The following MSL2 variants were observed in gnomAD, a reference collection of about 807,000 sequenced individuals.
MSL2 encodes MSL complex subunit 2, also known as E3 ubiquitin-protein ligase MSL2.
A neutral mutation model predicts 35.8 loss-of-function variants in MSL2; 2 were observed. The observed-to-expected ratio is 0.06, with a 90% CI of 0.02 to 0.18. The LOEUF (loss-of-function observed/expected upper bound fraction) is 0.18, where lower values mean the gene tolerates loss of function less well. Ranked by LOEUF, MSL2 falls within the 10% of genes least tolerant of loss-of-function variation. The probability of loss-of-function intolerance (pLI) is 1.00; values close to 1 mark genes in which losing one functional copy is unlikely to be tolerated. For missense variants in MSL2, 523 were observed against 706.7 expected (o/e 0.74, Z 2.95); for synonymous variants, 296 against 255.7 (o/e 1.16, Z -1.50).
Position 136,151,754 on chromosome 3 carries a change from C to T in MSL2, c.1127G>A (p.Arg376Gln), listed in dbSNP as rs781724231. Residue 376 changes from arginine (R) to glutamine (Q), a missense_variant, in exon 2 of 2, where the codon CGG becomes CAG. By Grantham distance (43) the Arg-to-Gln change is conservative. Transcript: ENST00000309993. The surrounding 1 kb of genome is among the most constrained non-coding windows in gnomAD (Gnocchi z 5.2). ...LGASAPVTVKRESKISLQPIA... is the reference protein window; with the variant it reads ...LGASAPVTVKQESKISLQPIA... ...AGGTTGAAGAGAAATTTTGCTCTCC[C>T]GTTTCACTGTCACAGGAGCAGATGC... is the stretch of plus-strand genomic sequence containing the variant. The T allele has an allele frequency of 2.5e-6, 4 of 1,614,154 alleles. No homozygotes were observed. The highest frequency in any genetic ancestry group is 1.1e-5 in the South Asian group (1 of 91,080).
intron 1 of MSL2, among the ~76,000 whole-genome samples, chr3:136,158,528 C>T (rs148832094): frequency 3.9e-5 from 6 of 152,056 alleles, no homozygotes; most frequent in African/African-American, 9.7e-5. Flanking sequence ...TAAAACACAA[C>T]GCTTTCCTTC....
intron 1 of MSL2, among the ~76,000 whole-genome samples, chr3:136,181,949 TAAATA>T (rs1940378355): frequency 6.8e-6 from 1 of 147,726 alleles, no homozygotes; most frequent in Non-Finnish European, 1.5e-5. Flanking sequence ...AATAAATAAA[TAAATA>T]AATAATCAAA....
At chr3:136,158,226 C>T (rs532937062) in intron 1 of MSL2, among the ~76,000 whole-genome samples, 4 of 151,750 alleles carry the variant, frequency 2.6e-5, no homozygotes, top group Non-Finnish European at 5.9e-5. Context: ...GCAGGAGAAT[C>T]GCTTCAATCC....
chr3:136,149,601 G>T lies in MSL2; in HGVS notation c.*1546C>A, dbSNP rs1011737544. 1 of 23,844 alleles carries T rather than the reference G, an allele frequency of 4.2e-5. No homozygotes were observed. Among genetic ancestry groups the T allele is most frequent in the East Asian group, 1.2e-3 (1 of 818 alleles). The allele number at this position is 23,844 out of a possible 1,614,324, so 1.5% of individuals were successfully genotyped here. On this transcript the variant is annotated 3_prime_UTR_variant, in exon 2 of 2. Coordinates refer to ENST00000309993, the MANE Select transcript of MSL2 (RefSeq NM_018133.4). ...CCAAAAGAGACCAAAAAAAAAAAAA[G>T]AAAAAAAAGCCCAACAACAACAACA...
chr3:136,176,761 C>A (rs1471128948), intron 1 of MSL2, among the ~76,000 whole-genome samples: 1 of 152,118 alleles, frequency 6.6e-6, no homozygotes, highest in Non-Finnish European at 1.5e-5. Context: ...CCCCTTTAGC[C>A]TTCTGCCATG....
Position 136,152,443 on chromosome 3 carries a change from G to C in MSL2, c.438C>G (p.Pro146=). The change falls in exon 2 of 2, where the codon CCC becomes CCG. Residue 146 remains proline, a synonymous_variant. Coordinates refer to ENST00000309993, the MANE Select transcript of MSL2 (RefSeq NM_018133.4). ...AACACAAAGTAAAGGATGAATCTGAGGGTTTTTCTGTCTCCTCACAAAACA... is the reference window on the plus strand; with the variant it reads ...AACACAAAGTAAAGGATGAATCTGACGGTTTTTCTGTCTCCTCACAAAACA... The part of the protein sequence containing the change: ...GSLFCEETEK[P]SDSSFTLCLT... 2 of 1,614,150 alleles carry C rather than the reference G, an allele frequency of 1.2e-6. No individual in the cohort carries two copies. Among genetic ancestry groups the C allele is most frequent in the Middle Eastern group, 1.6e-4 (1 of 6,062 alleles).
At chr3:136,157,429 G>A (rs1939566252) in intron 1 of MSL2, among the ~76,000 whole-genome samples, 1 of 152,248 alleles carries the variant, frequency 6.6e-6, no homozygotes, top group Non-Finnish European at 1.5e-5. Flanking sequence ...CTTGAACCTG[G>A]GAGGAGAGGT....
rs150020507 is a variant in MSL2 at position 136,179,254 on chromosome 3, A to G, written c.142+15718T>C. ...CAGGCTGGAGTGCAGCAGCACCATC[A>G]TGGTTCAAACCAGCCTCAACCTCCT... On this transcript the variant is annotated intron_variant, in intron 1 of 1. Coordinates refer to ENST00000309993, the MANE Select transcript of MSL2 (RefSeq NM_018133.4). Among the ~76,000 whole-genome samples, 1,144 of 152,114 alleles carry G rather than the reference A, an allele frequency of 7.5e-3. 18 individuals carry two copies. Among genetic ancestry groups the G allele is most frequent in the African/African-American group, 0.026 (1,080 of 41,506 alleles).
chr3:136,159,294 G>A (rs1939627357), intron 1 of MSL2, among the ~76,000 whole-genome samples: 1 of 151,032 alleles, frequency 6.6e-6, no homozygotes, highest in African/African-American at 2.4e-5. Context: ...TTACATTTAT[G>A]GTCAACCAAT....
intron 1 of MSL2, chr3:136,194,521 A>G (rs1940780744): frequency 2.3e-6 from 2 of 880,530 alleles, no homozygotes; most frequent in Non-Finnish European, 2.7e-6. Context: ...TGGGTTCATC[A>G]GCTTAGCCCA....
intron 1 of MSL2, among the ~76,000 whole-genome samples, chr3:136,160,337 A>G (rs1408304339): frequency 1.4e-3 from 11 of 8,004 alleles, no homozygotes; most frequent in South Asian, 6.3e-3. Context: ...GAGGGAAGGA[A>G]GGAGGGAGGG....
At chr3:136,159,806 T>TA (rs1425074276) in intron 1 of MSL2, among the ~76,000 whole-genome samples, 1 of 151,934 alleles carries the variant, frequency 6.6e-6, no homozygotes, top group Non-Finnish European at 1.5e-5. Flanking sequence ...AGAGCTAAAA[T>TA]ATAGAAATTC....
intron 1 of MSL2, among the ~76,000 whole-genome samples, chr3:136,156,941 A>G (rs1939547956): frequency 6.6e-6 from 1 of 152,260 alleles, no homozygotes; most frequent in African/African-American, 2.4e-5. Flanking sequence ...GAAAATGTTC[A>G]CAATATATTT....
At chr3:136,185,301 TAA>T (rs10571267) in intron 1 of MSL2, among the ~76,000 whole-genome samples, 33,063 of 106,896 alleles carry the variant, frequency 0.31, 3,868 homozygotes, top group Non-Finnish European at 0.36. Flanking sequence ...TTAACAAAGC[TAA>T]AAAAAAAAAA....
intron 1 of MSL2, among the ~76,000 whole-genome samples, chr3:136,180,481 C>T (rs2108085458): frequency 6.6e-6 from 1 of 151,734 alleles, no homozygotes; most frequent in East Asian, 1.9e-4. Context: ...GTGGGCAGAT[C>T]ACGAGATCAG....
At chr3:136,162,378 T>C (rs1408703493) in intron 1 of MSL2, among the ~76,000 whole-genome samples, 1 of 151,240 alleles carries the variant, frequency 6.6e-6, no homozygotes, top group East Asian at 1.9e-4. Context: ...TCTCAGGAGT[T>C]AGAAACCAGC....
At chr3:136,161,771 G>A (rs1179390395) in intron 1 of MSL2, among the ~76,000 whole-genome samples, 2 of 152,098 alleles carry the variant, frequency 1.3e-5, no homozygotes, top group East Asian at 1.9e-4. Flanking sequence ...AGATAGTGGT[G>A]ATGGTTACAC....
chr3:136,152,469 A>C lies in MSL2; in HGVS notation c.412T>G (p.Leu138Val). The stretch of plus-strand genomic sequence containing the variant: ...GGTTTTTCTGTCTCCTCACAAAACA[A>C]TGATCCATCATTAAGCAAAGCCAAA... The part of the protein sequence containing the change: ...DILALLNDGS[L>V]FCEETEKPSD... The change falls in exon 2 of 2, where the codon TTG becomes GTG. Residue 138 changes from leucine to valine, a missense_variant. Leu to Val is a conservative substitution (Grantham distance 32, BLOSUM62 1). This residue lies in a region of MSL2 where 361 missense variants were observed against 414.6 expected (regional missense o/e 0.87). Transcript: ENST00000309993. 6.2e-7 allele frequency: 1 copy of C among 1,614,240 alleles called. No homozygotes were observed. The highest frequency in any genetic ancestry group is 8.5e-7 in the Non-Finnish European group (1 of 1,180,048).
chr3:136,189,129 A>C (rs1203887923), intron 1 of MSL2, among the ~76,000 whole-genome samples: 4 of 138,052 alleles, frequency 2.9e-5, no homozygotes, highest in African/African-American at 1.1e-4. Context: ...AAAAAAAAAA[A>C]AAAAAAACAC....
Sources: allele counts gnomAD v4.1 joint callset (sites outside exome capture counted in the v4.1 genomes callset), GRCh38; gene constraint gnomAD v4.1.1; regional missense constraint gnomAD v4.1.1; non-coding constraint Gnocchi (gnomAD v3.1); transcripts MANE v1.5; gene names NCBI Gene and HGNC (gene_info 2026-07-23, HGNC 2026-07-21).